The following MOB3B variants were observed in gnomAD, a reference collection of about 807,000 sequenced individuals.
MOB3B encodes MOB kinase activator 3B.
MOB3B carries 7 observed loss-of-function variants against 18.7 expected under a neutral mutation model. That is an observed-to-expected ratio of 0.37 (90% CI 0.21 to 0.70). The LOEUF is 0.70. Ranked by LOEUF, MOB3B falls within the 30% of genes least tolerant of loss-of-function variation. The pLI, the probability that MOB3B is intolerant of heterozygous loss-of-function variation, is 0.52. For missense variants in MOB3B, 253 were observed against 281.3 expected (o/e 0.90, Z 0.72); for synonymous variants, 111 against 99.9 (o/e 1.11, Z -0.66).
At chr9:27,457,393 G>A (rs1236067640) in intron 1 of MOB3B, among the ~76,000 whole-genome samples, 1 of 152,162 alleles carries the variant, frequency 6.6e-6, no homozygotes, top group Non-Finnish European at 1.5e-5. Flanking sequence ...TGTTAAAATG[G>A]GCTTGGAGCA....
In MOB3B at chr9:27,525,345, A is replaced by C. The variant is rs183399807; in HGVS notation, c.-199+4210T>G. 1.9e-4 allele frequency among the ~76,000 whole-genome samples: 29 copies of C among 152,282 alleles called. No homozygotes were observed. In the East Asian group the frequency reaches 5.0e-3, roughly 26 times the overall value. On this transcript the variant is annotated intron_variant, in intron 1 of 3. Coordinates refer to ENST00000262244, the MANE Select transcript of MOB3B (RefSeq NM_024761.5). Reference sequence around the variant, plus strand: ...CAAAATGGTAACATTTCAATGACTTAACTGTTTTGCTGCCAAGGTTGCTTA... The same window carrying C: ...CAAAATGGTAACATTTCAATGACTTCACTGTTTTGCTGCCAAGGTTGCTTA...
chr9:27,513,388 G>A (rs1820175231), intron 1 of MOB3B, among the ~76,000 whole-genome samples: 1 of 152,032 alleles, frequency 6.6e-6, no homozygotes, highest in Non-Finnish European at 1.5e-5. Flanking sequence ...ACCCCTACAA[G>A]GCCCCCAAAG....
At chr9:27,461,602 C>T (rs915074189) in intron 1 of MOB3B, among the ~76,000 whole-genome samples, 1 of 152,200 alleles carries the variant, frequency 6.6e-6, no homozygotes, top group Non-Finnish European at 1.5e-5. Context: ...ATAGGTGTAA[C>T]CGTACAGAAG....
Position 27,365,662 on chromosome 9 carries a change from C to A in MOB3B, c.419-6426G>T, listed in dbSNP as rs561862258. Among the ~76,000 whole-genome samples, 3 of 152,290 alleles carry A rather than the reference C, an allele frequency of 2.0e-5. No homozygotes were observed. The South Asian group carries it at 6.2e-4, about 32-fold the overall frequency. The stretch of plus-strand genomic sequence containing the variant: ...AACATGCCCTTCTCTCTATCCTACC[C>A]TGAGCTACCACCAGTGGCTCTTAGC... On this transcript the variant is annotated intron_variant, in intron 2 of 3. Coordinates refer to ENST00000262244, the MANE Select transcript of MOB3B (RefSeq NM_024761.5).
intron 1 of MOB3B, among the ~76,000 whole-genome samples, chr9:27,465,149 A>G (rs893596762): frequency 3.9e-5 from 6 of 152,216 alleles, no homozygotes; most frequent in African/African-American, 1.4e-4. Flanking sequence ...TCCACCTATA[A>G]GCCTGCAAAG....
Position 27,393,372 on chromosome 9 carries a change from A to AGTGT in MOB3B, c.419-34140_419-34137dup, listed in dbSNP as rs35949017. Among the ~76,000 whole-genome samples the AGTGT allele has an allele frequency of 8.7e-3, 1,294 of 148,754 alleles. 10 individuals carry two copies. The highest frequency in any genetic ancestry group is 0.029 in the African/African-American group (1,199 of 40,690). Reference sequence around the variant, plus strand: ...TGATTATTTATATAGGGTGCAGAGAAGTGTGTGTGTGTGTGTGTGTGTGTG... The same window carrying AGTGT: ...TGATTATTTATATAGGGTGCAGAGAAGTGTGTGTGTGTGTGTGTGTGTGTGTGTG... On this transcript the variant is annotated intron_variant, in intron 2 of 3. Transcript: ENST00000262244.
At chr9:27,401,609 C>G (rs992625188) in intron 2 of MOB3B, among the ~76,000 whole-genome samples, 1 of 152,228 alleles carries the variant, frequency 6.6e-6, no homozygotes, top group Non-Finnish European at 1.5e-5. Context: ...TTCTGCCTCA[C>G]CCTTCATCCC....
At chr9:27,359,008 T>C (rs779186004) in intron 3 of MOB3B, 26 bp downstream of exon 3, 2 of 1,605,756 alleles carry the variant, frequency 1.2e-6, no homozygotes, top group Non-Finnish European at 1.7e-6. Flanking sequence ...GTGACTTGGA[T>C]ACCATTATTT....
intron 1 of MOB3B, among the ~76,000 whole-genome samples, chr9:27,518,214 C>T (rs1256844930): frequency 1.3e-5 from 2 of 152,122 alleles, no homozygotes; most frequent in Non-Finnish European, 2.9e-5. Flanking sequence ...ACAACGCCAA[C>T]TCCTTTTAAA....
At chr9:27,486,790 G>A (rs1246768482) in intron 1 of MOB3B, among the ~76,000 whole-genome samples, 4 of 152,166 alleles carry the variant, frequency 2.6e-5, no homozygotes, top group Non-Finnish European at 5.9e-5. Flanking sequence ...AGTTAAAACA[G>A]GACTTGGCCA....
At chr9:27,465,372 T>C (rs1819365575) in intron 1 of MOB3B, among the ~76,000 whole-genome samples, 1 of 152,200 alleles carries the variant, frequency 6.6e-6, no homozygotes, top group African/African-American at 2.4e-5. Context: ...AGAAGTGGGT[T>C]CCCATTATTT....
intron 1 of MOB3B, among the ~76,000 whole-genome samples, chr9:27,478,955 G>A (rs889930871): frequency 3.3e-5 from 5 of 151,774 alleles, no homozygotes; most frequent in Non-Finnish European, 7.4e-5. Context: ...GATTGGTGGT[G>A]GACTTTTCAT....
intron 1 of MOB3B, among the ~76,000 whole-genome samples, chr9:27,515,933 T>C (rs1008488945): frequency 1.3e-5 from 2 of 152,186 alleles, no homozygotes; most frequent in Non-Finnish European, 2.9e-5. Context: ...ATTAAGAAGA[T>C]GTCATACTGG....
chr9:27,337,268 C>T (rs1337428758), intron 3 of MOB3B, among the ~76,000 whole-genome samples: 1 of 152,252 alleles, frequency 6.6e-6, no homozygotes, highest in African/African-American at 2.4e-5. Flanking sequence ...CCTTTCGTCT[C>T]ACAAATTCCA....
chr9:27,431,563 C>T (rs1057370753), intron 2 of MOB3B, among the ~76,000 whole-genome samples: 4 of 152,164 alleles, frequency 2.6e-5, no homozygotes, highest in African/African-American at 9.7e-5. Flanking sequence ...AACATGAGGA[C>T]CAGTGATGTA....
At chr9:27,419,688 A>G (rs912682139) in intron 2 of MOB3B, among the ~76,000 whole-genome samples, 15 of 152,240 alleles carry the variant, frequency 9.9e-5, no homozygotes, top group African/African-American at 3.4e-4. Flanking sequence ...CTAAGACCTG[A>G]AACTATAAAA....
chr9:27,437,380 A>T (rs1822525791), intron 2 of MOB3B, among the ~76,000 whole-genome samples: 1 of 152,230 alleles, frequency 6.6e-6, no homozygotes, highest in African/African-American at 2.4e-5. Flanking sequence ...TTATATAATT[A>T]TAAAGGTATT....
At chr9:27,419,663 AT>A (rs1214967528) in intron 2 of MOB3B, among the ~76,000 whole-genome samples, 5 of 152,256 alleles carry the variant, frequency 3.3e-5, no homozygotes, top group Non-Finnish European at 7.3e-5. Context: ...CTTAAGACGG[AT>A]TAAAGACTTA....
chr9:27,381,909 G>T (rs991001914), intron 2 of MOB3B, among the ~76,000 whole-genome samples: 3 of 152,264 alleles, frequency 2.0e-5, no homozygotes, highest in Middle Eastern at 3.4e-3. Flanking sequence ...GCATCTCAAA[G>T]CGTTAGGATT....
Sources: gnomAD v4.1 joint callset for allele counts (sites outside exome capture counted in the v4.1 genomes callset) on GRCh38, gnomAD v4.1.1 for gene constraint, MANE v1.5 for transcripts, NCBI Gene and HGNC (gene_info 2026-07-23, HGNC 2026-07-21) for gene names.